TBL1XR1: variants seen among roughly 807,000 people sequenced by gnomAD.
The protein encoded by TBL1XR1 is TBL1X/Y related 1, also known as F-box-like/WD repeat-containing protein TBL1XR1.
Under a neutral mutation model 66.9 loss-of-function variants are expected in TBL1XR1, and 5 were observed. That is an observed-to-expected ratio of 0.07 (90% CI 0.04 to 0.16). The LOEUF is 0.16. Ranked by LOEUF, TBL1XR1 falls within the 10% of genes least tolerant of loss-of-function variation. The pLI, the probability that TBL1XR1 is intolerant of heterozygous loss-of-function variation, is 1.00. For synonymous variants in TBL1XR1, 210 were observed against 206.0 expected, an observed-to-expected ratio of 1.02 and a Z score of -0.17; for missense variants, 238 against 623.2, an observed-to-expected ratio of 0.38 and a Z score of 6.58.
At chr3:177,112,700 T>C (rs1725801631) in intron 1 of TBL1XR1, among the ~76,000 whole-genome samples, 1 of 152,060 alleles carries the variant, frequency 6.6e-6, no homozygotes, top group South Asian at 2.1e-4. Flanking sequence ...GAGAACACTT[T>C]TTTGTGAAAG....
intron 1 of TBL1XR1, among the ~76,000 whole-genome samples, chr3:177,178,204 A>G (rs1048328933): frequency 5.3e-5 from 8 of 152,212 alleles, no homozygotes; most frequent in African/African-American, 1.9e-4. Flanking sequence ...ATCGCACAGC[A>G]GAGTTTGGGG....
At chr3:177,131,717 G>C (rs1383866467) in intron 1 of TBL1XR1, among the ~76,000 whole-genome samples, 1 of 151,882 alleles carries the variant, frequency 6.6e-6, no homozygotes, top group Non-Finnish European at 1.5e-5. Flanking sequence ...GGCCAGGCTG[G>C]TCTTGAACTC....
At chr3:177,159,538 T>G (rs369891140) in intron 1 of TBL1XR1, among the ~76,000 whole-genome samples, 38 of 152,316 alleles carry the variant, frequency 2.5e-4, no homozygotes, top group African/African-American at 8.9e-4. Flanking sequence ...CTCATCACAT[T>G]TTCAGCAGCA....
intron 12 of TBL1XR1, among the ~76,000 whole-genome samples, chr3:177,036,626 C>T (rs1576989639): frequency 6.6e-6 from 1 of 152,066 alleles, no homozygotes; most frequent in Non-Finnish European, 1.5e-5. Context: ...AGCATTAATA[C>T]GTGTGCACAT....
intron 2 of TBL1XR1, among the ~76,000 whole-genome samples, chr3:177,077,170 C>T (rs140502778): frequency 6.6e-6 from 1 of 152,310 alleles, no homozygotes; most frequent in East Asian, 1.9e-4. Flanking sequence ...CACCTTACAA[C>T]AGTACTTTCG....
chr3:177,146,777 C>T (rs1407555626), intron 1 of TBL1XR1, among the ~76,000 whole-genome samples: 3 of 151,858 alleles, frequency 2.0e-5, no homozygotes, highest in Admixed American at 1.3e-4. Context: ...AGTAAAAGCT[C>T]ACTTTGTTTG....
rs1021114345 is a variant in TBL1XR1 at position 177,197,289 on chromosome 3, CCGGG to C, written c.-294_-291del. ...GAGCGGAGGGCGCGGGGGATGGGCG[CCGGG>C]CGGGCGGGGGCGGGGAGCGCGGCGC... On this transcript the variant is annotated 5_prime_UTR_variant, in exon 1 of 16. Coordinates refer to ENST00000457928, the MANE Select transcript of TBL1XR1 (RefSeq NM_024665.7). 19 of 149,714 alleles carry C rather than the reference CCGGG, an allele frequency of 1.3e-4. No individual in the cohort carries two copies. Among genetic ancestry groups the C allele is most frequent in the Non-Finnish European group, 2.4e-4 (16 of 66,868 alleles). The allele number at this position is 149,714 out of a possible 1,614,324, so 9.3% of individuals were successfully genotyped here.
At chr3:177,094,254 CA>C (rs1723184078) in intron 2 of TBL1XR1, among the ~76,000 whole-genome samples, 1 of 151,976 alleles carries the variant, frequency 6.6e-6, no homozygotes, top group African/African-American at 2.4e-5. Flanking sequence ...AAGAGAAATG[CA>C]AATCAAAACC....
chr3:177,152,984 TA>T (rs936679635), intron 1 of TBL1XR1, among the ~76,000 whole-genome samples: 14 of 151,734 alleles, frequency 9.2e-5, no homozygotes. Flanking sequence ...CTACTAAAAA[TA>T]AAAAAACTAG....
intron 3 of TBL1XR1, among the ~76,000 whole-genome samples, chr3:177,055,538 C>G (rs1717688412): frequency 1.1e-5 from 1 of 91,040 alleles, no homozygotes; most frequent in African/African-American, 4.4e-5. Flanking sequence ...ACAGAGATAC[C>G]AATCGGGGGG....
At chr3:177,164,208 T>C (rs1577356252) in intron 1 of TBL1XR1, among the ~76,000 whole-genome samples, 1 of 152,194 alleles carries the variant, frequency 6.6e-6, no homozygotes, top group Admixed American at 6.5e-5. Context: ...TAGGACTCCC[T>C]GACTTGACAT....
chr3:177,156,397 G>C (rs1176964520), intron 1 of TBL1XR1, among the ~76,000 whole-genome samples: 2 of 151,516 alleles, frequency 1.3e-5, no homozygotes, highest in Non-Finnish European at 2.9e-5. Flanking sequence ...TACTCGGGAG[G>C]CTGAGGCAGG....
intron 3 of TBL1XR1, among the ~76,000 whole-genome samples, chr3:177,058,996 A>G (rs1315765669): frequency 2.0e-5 from 3 of 152,254 alleles, no homozygotes; most frequent in African/African-American, 7.2e-5. Flanking sequence ...AGTCATGGAT[A>G]CAACCATGTG....
chr3:177,150,640 T>G (rs1730774590), intron 1 of TBL1XR1, among the ~76,000 whole-genome samples: 1 of 152,246 alleles, frequency 6.6e-6, no homozygotes, highest in Admixed American at 6.5e-5. Flanking sequence ...TTACCATTTC[T>G]TGGTAGTATT....
intron 2 of TBL1XR1, among the ~76,000 whole-genome samples, chr3:177,084,096 A>AG (rs1486287383): frequency 3.3e-5 from 5 of 151,000 alleles, no homozygotes; most frequent in Admixed American, 1.3e-4. Context: ...TCAAAAAAAA[A>AG]AAAAAAGAAA....
intron 1 of TBL1XR1, among the ~76,000 whole-genome samples, chr3:177,181,969 A>T (rs1022553660): frequency 1.3e-5 from 2 of 152,194 alleles, no homozygotes; most frequent in African/African-American, 4.8e-5. Flanking sequence ...TCTTTTACCC[A>T]CATTTTGAGT....
intron 1 of TBL1XR1, among the ~76,000 whole-genome samples, chr3:177,147,375 TGTG>T (rs1730378167): frequency 6.6e-6 from 1 of 152,162 alleles, no homozygotes; most frequent in Admixed American, 6.5e-5. Flanking sequence ...ACTATAAATA[TGTG>T]GTGATGGTGC....
At chr3:177,119,617 T>C (rs891042767) in intron 1 of TBL1XR1, among the ~76,000 whole-genome samples, 1 of 152,200 alleles carries the variant, frequency 6.6e-6, no homozygotes, top group African/African-American at 2.4e-5. Context: ...TTCACTACAT[T>C]GTGATACACT....
At chr3:177,181,765 A>G (rs746382727) in intron 1 of TBL1XR1, among the ~76,000 whole-genome samples, 1 of 152,124 alleles carries the variant, frequency 6.6e-6, no homozygotes, top group Non-Finnish European at 1.5e-5. Flanking sequence ...TGAATCAGAA[A>G]AAAAGCCAGG....
Sources: allele counts gnomAD v4.1 joint callset (sites outside exome capture counted in the v4.1 genomes callset), GRCh38; gene constraint gnomAD v4.1.1; transcripts MANE v1.5; gene names NCBI Gene and HGNC (gene_info 2026-07-23, HGNC 2026-07-21).